The following CYTH3 variants were observed in gnomAD, a reference collection of about 807,000 sequenced individuals.
CYTH3 encodes cytohesin 3.
In CYTH3, 23 loss-of-function variants were observed where a neutral mutation model predicts 55.1. The observed-to-expected ratio is 0.42, with a 90% CI of 0.30 to 0.59. The LOEUF is 0.59. CYTH3 is among the 20% of genes least tolerant of loss of function. CYTH3 has a pLI of 0.20. For synonymous variants in CYTH3, 249 were observed against 194.9 expected (o/e 1.28, Z -2.31); for missense variants, 413 against 524.8 (o/e 0.79, Z 2.08).
chr7:6,181,743 G>C (rs538155734), intron 4 of CYTH3, among the ~76,000 whole-genome samples: 8 of 152,164 alleles, frequency 5.3e-5, no homozygotes, highest in Middle Eastern at 3.4e-3. Flanking sequence ...TCTATTACAT[G>C]AAATTTGGGC....
At chr7:6,210,129 T>C (rs1784292040) in intron 1 of CYTH3, among the ~76,000 whole-genome samples, 1 of 152,288 alleles carries the variant, frequency 6.6e-6, no homozygotes, top group Middle Eastern at 3.4e-3. Context: ...GGTATCAATA[T>C]TGGTTTATCC....
intron 5 of CYTH3, among the ~76,000 whole-genome samples, 164 bp downstream of exon 5, chr7:6,177,659 T>A (rs1460947617): frequency 6.6e-6 from 1 of 152,224 alleles, no homozygotes; most frequent in African/African-American, 2.4e-5. Context: ...GAGGAACCGG[T>A]TGCACTGGGC....
chr7:6,260,180 T>A (rs1296657732), intron 1 of CYTH3, among the ~76,000 whole-genome samples: 1 of 151,962 alleles, frequency 6.6e-6, no homozygotes, highest in Non-Finnish European at 1.5e-5. Flanking sequence ...AAAACCTACT[T>A]TTAAAATTTC....
At chr7:6,247,044 A>C (rs1321706132) in intron 1 of CYTH3, among the ~76,000 whole-genome samples, 2 of 152,234 alleles carry the variant, frequency 1.3e-5, no homozygotes, top group Non-Finnish European at 2.9e-5. Flanking sequence ...TGATGGCCTT[A>C]AACAGTAAGG....
At chr7:6,264,865 G>C (rs1780447059) in intron 1 of CYTH3, among the ~76,000 whole-genome samples, 1 of 152,190 alleles carries the variant, frequency 6.6e-6, no homozygotes, top group African/African-American at 2.4e-5. Context: ...CATTGTAAGA[G>C]AAAAGAAACA....
At position 6,162,080 on chromosome 7, in the gene CYTH3, T is replaced by G. The variant is rs1161773464; in HGVS notation, c.*2864A>C. On this transcript the variant is annotated 3_prime_UTR_variant, in exon 13 of 13. Transcript: ENST00000350796. ...TCAGCAAAGCATATCTATGTAGATA[T>G]CTGCGTTTGTAACTTTAAAAATAGG... 6.5e-6 allele frequency: 1 copy of G among 152,684 alleles called. No homozygotes were observed. Among genetic ancestry groups the G allele is most frequent in the Non-Finnish European group, 1.5e-5 (1 of 68,044 alleles). 9.5% of individuals were successfully genotyped at this position (152,684 alleles called of 1,614,324 possible). A position where few individuals can be genotyped will look rare whatever the true frequency, so the allele number is the denominator to read the frequency against.
At chr7:6,267,572 G>A (rs926953052) in intron 1 of CYTH3, among the ~76,000 whole-genome samples, 1 of 152,154 alleles carries the variant, frequency 6.6e-6, no homozygotes, top group Non-Finnish European at 1.5e-5. Context: ...TCACTCTGTC[G>A]CCAGGCAGTG....
At chr7:6,186,465 A>G (rs1491001363) in intron 4 of CYTH3, among the ~76,000 whole-genome samples, 4 of 152,178 alleles carry the variant, frequency 2.6e-5, no homozygotes, top group Non-Finnish European at 4.4e-5. Context: ...TACATGTTTC[A>G]GGTTTCACGG....
At chr7:6,249,548 C>G (rs1779906464) in intron 1 of CYTH3, among the ~76,000 whole-genome samples, 1 of 152,228 alleles carries the variant, frequency 6.6e-6, no homozygotes, top group South Asian at 2.1e-4. Context: ...AATCCAAACA[C>G]TAACTAGTCT....
chr7:6,240,674 T>A (rs1036056773), intron 1 of CYTH3, among the ~76,000 whole-genome samples: 4 of 151,990 alleles, frequency 2.6e-5, no homozygotes, highest in African/African-American at 7.3e-5. Context: ...ACGCCACACA[T>A]CAGAATAAAC....
chr7:6,269,638 G>A (rs1772960222), intron 1 of CYTH3, among the ~76,000 whole-genome samples: 1 of 152,126 alleles, frequency 6.6e-6, no homozygotes, highest in Non-Finnish European at 1.5e-5. Flanking sequence ...AAGTCCCATA[G>A]GAATTAAAAA....
At chr7:6,168,982 C>A (rs536762867) in intron 9 of CYTH3, among the ~76,000 whole-genome samples, 1 of 152,222 alleles carries the variant, frequency 6.6e-6, no homozygotes, top group Non-Finnish European at 1.5e-5. Flanking sequence ...CCGGCCCTCA[C>A]TCTAGAACAC....
In CYTH3 at chr7:6,164,167, C is replaced by G. The variant is rs75986628; in HGVS notation, c.*777G>C. 0.026 allele frequency: 4,040 copies of G among 152,596 alleles called. 105 individuals are homozygous for G. The highest frequency in any genetic ancestry group is 0.062 in the African/African-American group (2,574 of 41,554). The allele number at this position is 152,596 out of a possible 1,614,324, so 9.5% of individuals were successfully genotyped here. A position where few individuals can be genotyped will look rare whatever the true frequency, so the allele number is the denominator to read the frequency against. ...CCAAGTGCCATGGCCGTCCCTCCCC[C>G]AGCCCGTCCCGAGCCCACCTGCTGC... On this transcript the variant is annotated 3_prime_UTR_variant, in exon 13 of 13. Transcript: ENST00000350796.
At chr7:6,173,282 C>T (rs188155029) in intron 6 of CYTH3, among the ~76,000 whole-genome samples, 20 of 152,274 alleles carry the variant, frequency 1.3e-4, no homozygotes, top group South Asian at 6.2e-4. Flanking sequence ...GGTATCCATG[C>T]GTTTGGTGCT....
chr7:6,223,720 A>G (rs963763637), intron 1 of CYTH3, among the ~76,000 whole-genome samples: 1 of 151,808 alleles, frequency 6.6e-6, no homozygotes, highest in African/African-American at 2.4e-5. Flanking sequence ...ACCTCTGCCT[A>G]GGAAAACTAG....
intron 1 of CYTH3, among the ~76,000 whole-genome samples, chr7:6,218,622 T>C (rs947456112): frequency 1.2e-4 from 19 of 152,264 alleles, no homozygotes; most frequent in South Asian, 8.3e-4. Flanking sequence ...AGCTTTCAAA[T>C]TGTAAGGGAC....
chr7:6,205,219 T>A (rs1180783808), intron 1 of CYTH3, among the ~76,000 whole-genome samples: 1 of 151,920 alleles, frequency 6.6e-6, no homozygotes, highest in African/African-American at 2.4e-5. Flanking sequence ...GGAAATTAAA[T>A]TAAGAAACAC....
chr7:6,209,396 C>A (rs1307263632), intron 1 of CYTH3, among the ~76,000 whole-genome samples: 9 of 152,186 alleles, frequency 5.9e-5, no homozygotes, highest in African/African-American at 2.2e-4. Flanking sequence ...AGACTTTCTA[C>A]CCTAGCTAAC....
chr7:6,192,920 C>A (rs1783836634), intron 1 of CYTH3, among the ~76,000 whole-genome samples: 1 of 151,704 alleles, frequency 6.6e-6, no homozygotes, highest in Admixed American at 6.6e-5. Flanking sequence ...CCTGTAAGCC[C>A]AGCACTTTGG....
Sources: gnomAD v4.1 joint callset for allele counts (sites outside exome capture counted in the v4.1 genomes callset) on GRCh38, gnomAD v4.1.1 for gene constraint, MANE v1.5 for transcripts, NCBI Gene and HGNC (gene_info 2026-07-23, HGNC 2026-07-21) for gene names.